The following GLIS3 variants were observed in gnomAD, a reference collection of about 807,000 sequenced individuals.
GLIS3 encodes the protein GLIS family zinc finger 3.
Under a neutral mutation model 78.6 loss-of-function variants are expected in GLIS3, and 53 were observed. The ratio of observed to expected loss-of-function variants is 0.67; its 90% confidence interval spans 0.54 to 0.85. The LOEUF is 0.85. Ranked by LOEUF, GLIS3 falls within the 40% of genes least tolerant of loss-of-function variation. The pLI is 0.00. For missense variants in GLIS3, 1,703 were observed against 1,231.1 expected (o/e 1.38, Z -5.74); for synonymous variants, 684 against 509.9 (o/e 1.34, Z -4.60).
intron 2 of GLIS3, among the ~76,000 whole-genome samples, chr9:4,325,656 A>G (rs17803020): frequency 0.16 from 23,649 of 152,180 alleles, 1,840 homozygotes; most frequent in East Asian, 0.22. Flanking sequence ...CTTAGGATTC[A>G]CTTCCACCTA....
At chr9:4,064,531 T>C (rs187686650) in intron 4 of GLIS3, among the ~76,000 whole-genome samples, 184 of 152,326 alleles carry the variant, frequency 1.2e-3, no homozygotes, top group African/African-American at 4.0e-3. Context: ...ATAATAATGG[T>C]TATGCAAGTT....
At chr9:4,289,500 T>C (rs1329468263) in intron 1 of GLIS3, among the ~76,000 whole-genome samples, 2 of 152,112 alleles carry the variant, frequency 1.3e-5, no homozygotes, top group Non-Finnish European at 2.9e-5. Context: ...GCATTTACAC[T>C]TTGCCAAAAA....
intron 4 of GLIS3, among the ~76,000 whole-genome samples, chr9:4,039,522 G>A (rs984703616): frequency 2.4e-4 from 36 of 152,194 alleles, no homozygotes; most frequent in African/African-American, 8.2e-4. Flanking sequence ...ACACAGGACG[G>A]CAGCCTCAAA....
At chr9:3,867,241 G>C (rs148686492) in intron 8 of GLIS3, among the ~76,000 whole-genome samples, 1 of 152,336 alleles carries the variant, frequency 6.6e-6, no homozygotes, top group East Asian at 1.9e-4. Context: ...TGTTGTTGTT[G>C]TTGCTGTTGT....
At chr9:4,180,707 G>A (rs1232607354) in intron 2 of GLIS3, among the ~76,000 whole-genome samples, 1 of 152,126 alleles carries the variant, frequency 6.6e-6, no homozygotes, top group Non-Finnish European at 1.5e-5. Flanking sequence ...CCCAATTCTT[G>A]TGCATTGATT....
intron 4 of GLIS3, among the ~76,000 whole-genome samples, chr9:4,048,962 A>T (rs1825482609): frequency 1.3e-5 from 2 of 152,208 alleles, no homozygotes; most frequent in Non-Finnish European, 2.9e-5. Flanking sequence ...CAGGACAGGA[A>T]ATTATTTGGG....
At chr9:4,337,374 T>C (rs1334947716) in intron 2 of GLIS3, among the ~76,000 whole-genome samples, 2 of 152,222 alleles carry the variant, frequency 1.3e-5, no homozygotes, top group Admixed American at 1.3e-4. Context: ...TATGCAGCTA[T>C]TAAAGTGATA....
chr9:4,443,354 T>C, the GLIS3 span, among the ~76,000 whole-genome samples: 1 of 152,232 alleles, frequency 6.6e-6, no homozygotes, highest in Non-Finnish European at 1.5e-5. Context: ...AGTGTTAAAA[T>C]ATAAATCTAC....
intron 2 of GLIS3, among the ~76,000 whole-genome samples, chr9:4,171,208 T>A (rs1328293242): frequency 6.6e-6 from 1 of 152,168 alleles, no homozygotes; most frequent in Non-Finnish European, 1.5e-5. Context: ...AATATACATA[T>A]ACATATAAGT....
intron 4 of GLIS3, among the ~76,000 whole-genome samples, chr9:4,016,027 T>G (rs911312673): frequency 6.6e-6 from 1 of 151,970 alleles, no homozygotes; most frequent in African/African-American, 2.4e-5. Flanking sequence ...AATTCAAAGG[T>G]TGTTTGTGGA....
chr9:4,439,736 A>G, the GLIS3 span, among the ~76,000 whole-genome samples: 1 of 151,952 alleles, frequency 6.6e-6, no homozygotes, highest in African/African-American at 2.4e-5. Flanking sequence ...GCAGTGGTGT[A>G]ATTAGTTTTT....
intron 6 of GLIS3, among the ~76,000 whole-genome samples, chr9:3,920,642 G>C (rs1824825193): frequency 6.6e-6 from 1 of 150,422 alleles, no homozygotes; most frequent in Non-Finnish European, 1.5e-5. Flanking sequence ...GAAGAGGTGG[G>C]GGATCATCTT....
intron 2 of GLIS3, among the ~76,000 whole-genome samples, chr9:4,141,525 G>A (rs1833814305): frequency 6.6e-6 from 1 of 152,182 alleles, no homozygotes; most frequent in African/African-American, 2.4e-5. Flanking sequence ...AACACCCTGG[G>A]ATTCTGTGTC....
the GLIS3 span, among the ~76,000 whole-genome samples, chr9:4,374,953 T>A: frequency 6.6e-6 from 1 of 152,180 alleles, no homozygotes; most frequent in East Asian, 1.9e-4. Flanking sequence ...TGCAGCTTGC[T>A]ATTTACAATT....
At chr9:4,414,816 T>A in the GLIS3 span, among the ~76,000 whole-genome samples, 2 of 152,148 alleles carry the variant, frequency 1.3e-5, no homozygotes, top group Non-Finnish European at 2.9e-5. Flanking sequence ...TCCACCGTAT[T>A]CCAGATGATG....
chr9:4,334,026 G>A (rs1210317267), intron 2 of GLIS3, among the ~76,000 whole-genome samples: 1 of 152,148 alleles, frequency 6.6e-6, no homozygotes. Flanking sequence ...AGAAACAAAA[G>A]TGACCTCTTC....
At chr9:4,182,617 A>G (rs1330010836) in intron 2 of GLIS3, among the ~76,000 whole-genome samples, 1 of 152,174 alleles carries the variant, frequency 6.6e-6, no homozygotes, top group Non-Finnish European at 1.5e-5. Flanking sequence ...AAGAGATTCA[A>G]TCGCACTCAC....
intron 9 of GLIS3, among the ~76,000 whole-genome samples, chr9:3,852,785 A>C (rs574249913): frequency 2.0e-5 from 3 of 152,234 alleles, no homozygotes; most frequent in African/African-American, 7.2e-5. Context: ...CCTCATTGCA[A>C]CAGTCACTGG....
intron 2 of GLIS3, among the ~76,000 whole-genome samples, chr9:4,194,702 T>A (rs7023447): frequency 6.6e-6 from 1 of 152,022 alleles, no homozygotes; most frequent in African/African-American, 2.4e-5. Flanking sequence ...TAAAAGTGAG[T>A]GAAGCCCCAG....
Sources: allele counts gnomAD v4.1 joint callset (sites outside exome capture counted in the v4.1 genomes callset), GRCh38; gene constraint gnomAD v4.1.1; transcripts MANE v1.5; gene names NCBI Gene and HGNC (gene_info 2026-07-23, HGNC 2026-07-21).